The following RIN2 variants were observed in gnomAD, a reference collection of about 807,000 sequenced individuals.
The protein encoded by RIN2 is RAB5 interacting protein 2.
A neutral mutation model predicts 78.0 loss-of-function variants in RIN2; 36 were observed. The ratio of observed to expected loss-of-function variants is 0.46; its 90% CI spans 0.35 to 0.61. The LOEUF (loss-of-function observed/expected upper bound fraction) is 0.61, where lower values mean the gene tolerates loss of function less well. RIN2 is among the 20% of genes least tolerant of loss of function. The pLI, the probability that RIN2 is intolerant of heterozygous loss-of-function variation, is 0.00. For synonymous variants in RIN2, 466 were observed against 466.8 expected (o/e 1.00, Z 0.02); for missense variants, 1,087 against 1,159.7 (o/e 0.94, Z 0.91).
intron 2 of RIN2, among the ~76,000 whole-genome samples, chr20:19,862,214 G>A (rs922176626): frequency 6.6e-6 from 1 of 152,156 alleles, no homozygotes; most frequent in African/African-American, 2.4e-5. Context: ...GATATCCATG[G>A]TATTAAAATT....
At chr20:19,769,507 C>G (rs1194203010) in intron 1 of RIN2, among the ~76,000 whole-genome samples, 1 of 152,208 alleles carries the variant, frequency 6.6e-6, no homozygotes, top group Non-Finnish European at 1.5e-5. Context: ...ATCATCGACC[C>G]TCCATCTCTG....
At chr20:19,997,420 G>A (rs779886021) in intron 12 of RIN2, among the ~76,000 whole-genome samples, 5 of 152,158 alleles carry the variant, frequency 3.3e-5, no homozygotes, top group Non-Finnish European at 5.9e-5. Context: ...GGGACTCCCA[G>A]TGAGCTTGTT....
At chr20:19,849,907 A>G (rs530160246) in intron 2 of RIN2, among the ~76,000 whole-genome samples, 26 of 152,184 alleles carry the variant, frequency 1.7e-4, no homozygotes, top group Non-Finnish European at 3.2e-4. Flanking sequence ...GCAGTTTTAA[A>G]GATCGAAATT....
chr20:19,890,486 T>A (rs1056509105), intron 3 of RIN2, among the ~76,000 whole-genome samples: 4 of 152,062 alleles, frequency 2.6e-5, no homozygotes, highest in African/African-American at 7.2e-5. Flanking sequence ...TTGAAATCTG[T>A]CATAGGCAGT....
At chr20:19,821,142 G>C (rs1441685825) in intron 2 of RIN2, among the ~76,000 whole-genome samples, 1 of 152,138 alleles carries the variant, frequency 6.6e-6, no homozygotes, top group Non-Finnish European at 1.5e-5. Flanking sequence ...ACCCCTGACT[G>C]TGTGTCTCAG....
intron 5 of RIN2, 76 bp from the exon 6 acceptor site, chr20:19,960,624 T>C: frequency 9.4e-7 from 1 of 1,064,472 alleles, no homozygotes; most frequent in Non-Finnish European, 1.4e-6. Flanking sequence ...ATTCATTGAG[T>C]GTGAGGGAAA....
At chr20:19,913,791 C>T (rs1029709211) in intron 3 of RIN2, among the ~76,000 whole-genome samples, 7 of 152,114 alleles carry the variant, frequency 4.6e-5, no homozygotes, top group Admixed American at 3.9e-4. Flanking sequence ...AATAATATTC[C>T]ATTGTATGAG....
At chr20:19,871,626 G>T (rs994421077) in intron 2 of RIN2, among the ~76,000 whole-genome samples, 1 of 152,202 alleles carries the variant, frequency 6.6e-6, no homozygotes, top group Non-Finnish European at 1.5e-5. Flanking sequence ...TTGGCTGGGA[G>T]TTAGGGCATG....
At chr20:19,918,490 A>G (rs1308905633) in intron 3 of RIN2, among the ~76,000 whole-genome samples, 1 of 151,490 alleles carries the variant, frequency 6.6e-6, no homozygotes. Flanking sequence ...GCAAAAGAAT[A>G]ACACCTTAAA....
chr20:19,879,850 A>G (rs2037966463), intron 2 of RIN2, among the ~76,000 whole-genome samples: 1 of 152,222 alleles, frequency 6.6e-6, no homozygotes, highest in South Asian at 2.1e-4. Flanking sequence ...GAGAGGAAAG[A>G]TCTTCAGATC....
chr20:19,913,221 C>G (rs1301356332), intron 3 of RIN2, among the ~76,000 whole-genome samples: 1 of 152,014 alleles, frequency 6.6e-6, no homozygotes, highest in Non-Finnish European at 1.5e-5. Context: ...CACTGTAGCT[C>G]TCAGATCTTA....
chr20:19,922,076 G>A (rs2039948511), intron 3 of RIN2, among the ~76,000 whole-genome samples: 1 of 152,202 alleles, frequency 6.6e-6, no homozygotes, highest in Admixed American at 6.5e-5. Flanking sequence ...ATATTGGCCA[G>A]GCTAGTCTTG....
intron 12 of RIN2, among the ~76,000 whole-genome samples, chr20:19,997,118 A>C (rs930211678): frequency 5.3e-5 from 8 of 152,136 alleles, no homozygotes; most frequent in Non-Finnish European, 1.2e-4. Context: ...AAAAAGGAGG[A>C]GGAAGCACTT....
intron 2 of RIN2, among the ~76,000 whole-genome samples, chr20:19,828,060 G>A (rs2036148986): frequency 6.6e-6 from 1 of 151,978 alleles, no homozygotes; most frequent in African/African-American, 2.4e-5. Context: ...ACCTGCTTGT[G>A]ATACCTCTCC....
intron 9 of RIN2, among the ~76,000 whole-genome samples, chr20:19,984,819 T>C (rs970907445): frequency 2.0e-5 from 3 of 152,214 alleles, no homozygotes; most frequent in Non-Finnish European, 4.4e-5. Context: ...TGGTTCATCT[T>C]TGACCAAAAC....
intron 2 of RIN2, among the ~76,000 whole-genome samples, chr20:19,811,551 C>G (rs553055092): frequency 6.6e-6 from 1 of 152,250 alleles, no homozygotes; most frequent in East Asian, 1.9e-4. Context: ...AGGGAGGCAC[C>G]ATGAGCATCC....
At chr20:19,920,725 G>C (rs1390130540) in intron 3 of RIN2, among the ~76,000 whole-genome samples, 3 of 152,190 alleles carry the variant, frequency 2.0e-5, no homozygotes, top group African/African-American at 7.2e-5. Context: ...GCCCAGGCTG[G>C]AGCACAGTGG....
intron 2 of RIN2, among the ~76,000 whole-genome samples, chr20:19,856,645 G>A (rs2037178672): frequency 6.7e-6 from 1 of 150,158 alleles, no homozygotes; most frequent in Non-Finnish European, 1.5e-5. Context: ...AGGAAGGGAG[G>A]GAGGGAGAGA....
chr20:19,837,192 A>T (rs983519535), intron 2 of RIN2, among the ~76,000 whole-genome samples: 4 of 151,756 alleles, frequency 2.6e-5, no homozygotes, highest in Admixed American at 2.0e-4. Flanking sequence ...ACACACACAC[A>T]CACACACACA....
Sources: allele counts gnomAD v4.1 joint callset (sites outside exome capture counted in the v4.1 genomes callset), GRCh38; gene constraint gnomAD v4.1.1; transcripts MANE v1.5; gene names NCBI Gene and HGNC (gene_info 2026-07-23, HGNC 2026-07-21).